The following PIK3C2G variants were observed in gnomAD, a reference collection of about 807,000 sequenced individuals.
PIK3C2G encodes phosphatidylinositol-4-phosphate 3-kinase catalytic subunit type 2 gamma, also known as phosphatidylinositol 3-kinase C2 domain-containing subunit gamma.
In PIK3C2G, 168 loss-of-function variants were observed where a neutral mutation model predicts 181.1. The observed-to-expected ratio is 0.93, with a 90% confidence interval of 0.82 to 1.05. The LOEUF (loss-of-function observed/expected upper bound fraction) is 1.05, where lower values mean the gene tolerates loss of function less well. PIK3C2G is among the 50% of genes least tolerant of loss of function. The pLI is 0.00. For synonymous variants in PIK3C2G, 573 were observed against 592.2 expected (o/e 0.97, Z 0.47); for missense variants, 1,869 against 1,732.8 (o/e 1.08, Z -1.40).
At chr12:18,287,889 C>A (rs542437200) in intron 3 of PIK3C2G, among the ~76,000 whole-genome samples, 1 of 150,600 alleles carries the variant, frequency 6.6e-6, no homozygotes, top group Admixed American at 6.6e-5. Flanking sequence ...AGGCTGGGCA[C>A]GGTGGCTCAC....
chr12:18,601,234 A>G (rs950329281), intron 30 of PIK3C2G, among the ~76,000 whole-genome samples: 3 of 151,858 alleles, frequency 2.0e-5, no homozygotes, highest in African/African-American at 7.3e-5. Flanking sequence ...CTGAAAAGGC[A>G]TTTGATAAAA....
intron 18 of PIK3C2G, among the ~76,000 whole-genome samples, chr12:18,471,747 T>C (rs1460806162): frequency 6.6e-6 from 1 of 152,196 alleles, no homozygotes; most frequent in Non-Finnish European, 1.5e-5. Context: ...TTGATCCTTA[T>C]AATGTAAGAT....
intron 18 of PIK3C2G, among the ~76,000 whole-genome samples, chr12:18,441,248 A>G (rs1441860891): frequency 6.6e-6 from 1 of 152,132 alleles, no homozygotes; most frequent in Non-Finnish European, 1.5e-5. Context: ...AGCACTTTCA[A>G]TCGAGTAGAG....
intron 8 of PIK3C2G, among the ~76,000 whole-genome samples, chr12:18,336,305 A>G (rs1938525692): frequency 6.6e-6 from 1 of 152,142 alleles, no homozygotes; most frequent in Non-Finnish European, 1.5e-5. Context: ...CCACAGGTAG[A>G]AAGGGGCAGA....
intron 29 of PIK3C2G, among the ~76,000 whole-genome samples, chr12:18,581,115 G>GA (rs1206834959): frequency 5.9e-5 from 9 of 152,274 alleles, no homozygotes; most frequent in African/African-American, 1.7e-4. Flanking sequence ...TCAACTCTCT[G>GA]AAAAAATCAA....
chr12:18,614,036 G>T (rs1169739383), intron 31 of PIK3C2G, among the ~76,000 whole-genome samples: 1 of 151,852 alleles, frequency 6.6e-6, no homozygotes, highest in African/African-American at 2.4e-5. Flanking sequence ...ATTTTTTGTT[G>T]TTTTTTAAAA....
chr12:18,494,592 T>C (rs112036249), intron 20 of PIK3C2G, among the ~76,000 whole-genome samples: 7 of 152,150 alleles, frequency 4.6e-5, no homozygotes, highest in African/African-American at 1.4e-4. Context: ...CTCTGGGTGG[T>C]AGTTAAAAAG....
chr12:18,699,765 T>G, the PIK3C2G span: 3 of 1,593,800 alleles, frequency 1.9e-6, no homozygotes, highest in South Asian at 3.3e-5. Flanking sequence ...CATTTAAACA[T>G]TTCATCTATT....
chr12:18,712,612 C>T, the PIK3C2G span, among the ~76,000 whole-genome samples: 170 of 152,178 alleles, frequency 1.1e-3, 2 homozygotes, highest in East Asian at 0.026. Context: ...CACACACACA[C>T]GAGTAAACAA....
chr12:18,366,694 CAT>C (rs553997112), intron 12 of PIK3C2G, among the ~76,000 whole-genome samples: 33 of 151,210 alleles, frequency 2.2e-4, no homozygotes, highest in South Asian at 1.5e-3. Flanking sequence ...GTGAGGCAAA[CAT>C]GTGGTTAAAA....
chr12:18,577,931 C>T (rs1946314314), intron 29 of PIK3C2G, among the ~76,000 whole-genome samples: 1 of 152,166 alleles, frequency 6.6e-6, no homozygotes, highest in African/African-American at 2.4e-5. Flanking sequence ...CATTGAAAAT[C>T]ACTGTCTTAG....
In PIK3C2G at chr12:18,265,035, A is replaced by G. The variant is rs546621306; in HGVS notation, c.-79+3458A>G. 3.3e-5 allele frequency among the ~76,000 whole-genome samples: 5 copies of G among 152,338 alleles called. No individual in the cohort carries two copies. In the South Asian group the frequency reaches 1.0e-3, roughly 32 times the overall value. ...AACATTCTCTTCTCATAGTACTGAA[A>G]TAATTTTATAAGCATCAGCTTGATT... is the stretch of plus-strand genomic sequence containing the variant. On this transcript the variant is annotated intron_variant, in intron 1 of 32. Transcript: ENST00000538779.
chr12:18,276,391 A>C lies in PIK3C2G; in HGVS notation c.-78-5613A>C, dbSNP rs148836310. The stretch of plus-strand genomic sequence containing the variant: ...GAGGCATTGAATGAATTACTGATTC[A>C]ACTGCTTTATTATATTTAAGGTTGA... On this transcript the variant is annotated intron_variant, in intron 1 of 32. Coordinates refer to ENST00000538779, the MANE Select transcript of PIK3C2G (RefSeq NM_001288772.2). Among the ~76,000 whole-genome samples, 1,215 of 152,310 alleles carry C rather than the reference A, an allele frequency of 8.0e-3. 5 individuals are homozygous for C. Among genetic ancestry groups the C allele is most frequent in the Middle Eastern group, 0.014 (4 of 294 alleles).
intron 24 of PIK3C2G, among the ~76,000 whole-genome samples, chr12:18,511,480 A>G (rs1283511709): frequency 1.3e-5 from 2 of 151,920 alleles, no homozygotes; most frequent in Admixed American, 6.6e-5. Flanking sequence ...ACCCTCCCCA[A>G]CACTTAATCT....
At chr12:18,506,541 T>C (rs970647589) in intron 24 of PIK3C2G, among the ~76,000 whole-genome samples, 1 of 152,166 alleles carries the variant, frequency 6.6e-6, no homozygotes, top group African/African-American at 2.4e-5. Context: ...GATTGGACGT[T>C]GGCTGTGATT....
intron 12 of PIK3C2G, among the ~76,000 whole-genome samples, chr12:18,368,607 T>C (rs1017989272): frequency 6.6e-6 from 1 of 152,224 alleles, no homozygotes; most frequent in Non-Finnish European, 1.5e-5. Flanking sequence ...TCTGTCGTAA[T>C]CTAGAAACTA....
chr12:18,278,117 C>T (rs1375600198), intron 1 of PIK3C2G, among the ~76,000 whole-genome samples: 1 of 152,166 alleles, frequency 6.6e-6, no homozygotes, highest in East Asian at 1.9e-4. Flanking sequence ...TCTATTGCTG[C>T]TGTAACAAAT....
chr12:18,351,718 C>A (rs564515271), intron 11 of PIK3C2G, among the ~76,000 whole-genome samples: 44 of 152,268 alleles, frequency 2.9e-4, no homozygotes, highest in African/African-American at 1.0e-3. Flanking sequence ...AGCATATGCA[C>A]GTCATCCTGT....
chr12:18,604,866 C>T (rs1442473915), intron 30 of PIK3C2G, among the ~76,000 whole-genome samples: 2 of 152,018 alleles, frequency 1.3e-5, no homozygotes, highest in African/African-American at 4.8e-5. Context: ...AATGACACAA[C>T]CTATCAAAAC....
Sources: gnomAD v4.1 joint callset for allele counts (sites outside exome capture counted in the v4.1 genomes callset) on GRCh38, gnomAD v4.1.1 for gene constraint, MANE v1.5 for transcripts, NCBI Gene and HGNC (gene_info 2026-07-23, HGNC 2026-07-21) for gene names.